PYY: variants seen among roughly 807,000 people sequenced by gnomAD.
The protein encoded by PYY is peptide tyrosine tyrosine.
PYY carries 12 observed loss-of-function variants against 10.3 expected under a neutral mutation model. That is an observed-to-expected ratio of 1.17 (90% CI 0.75 to 1.89). The LOEUF (loss-of-function observed/expected upper bound fraction) is 1.89, where lower values mean the gene tolerates loss of function less well. Ranked by LOEUF, PYY falls within the 40% of genes most tolerant of loss-of-function variation. The pLI, the probability that PYY is intolerant of heterozygous loss-of-function variation, is 0.00. For missense variants in PYY, 141 were observed against 134.0 expected (o/e 1.05, Z -0.26); for synonymous variants, 66 against 62.0 (o/e 1.06, Z -0.30).
At chr17:44,003,341 A>G (rs1227671314) in intron 1 of PYY, among the ~76,000 whole-genome samples, 1 of 152,182 alleles carries the variant, frequency 6.6e-6, no homozygotes, top group Non-Finnish European at 1.5e-5. Flanking sequence ...CAGACCTAAC[A>G]TGGATAAACT....
chr17:43,958,581 T>C (rs2048691499), upstream of PYY, among the ~76,000 whole-genome samples: 1 of 152,194 alleles, frequency 6.6e-6, no homozygotes, highest in African/African-American at 2.4e-5. Context: ...GGTTTCACCA[T>C]GTTGGCCAGG....
chr17:43,957,465 C>A (rs1337712557), upstream of PYY, among the ~76,000 whole-genome samples: 5 of 152,104 alleles, frequency 3.3e-5, no homozygotes, highest in Non-Finnish European at 5.9e-5. Flanking sequence ...CAAGACCAGC[C>A]TGGTCAACAT....
chr17:43,996,298 C>CCCCA, intron 1 of PYY, among the ~76,000 whole-genome samples: 1 of 152,200 alleles, frequency 6.6e-6, no homozygotes, highest in South Asian at 2.1e-4. Context: ...CTTGTCCAGC[C>CCCCA]CCCAGCTGGA....
upstream of PYY, among the ~76,000 whole-genome samples, chr17:43,958,210 G>A (rs1478890701): frequency 2.9e-5 from 4 of 139,420 alleles, no homozygotes; most frequent in East Asian, 6.3e-4. Flanking sequence ...ATTAAAGTTT[G>A]AATTTTATAT....
At chr17:43,977,921 C>T (rs1440614466) in intron 1 of PYY, among the ~76,000 whole-genome samples, 1 of 152,104 alleles carries the variant, frequency 6.6e-6, no homozygotes, top group Admixed American at 6.6e-5. Flanking sequence ...GAATCTTGGC[C>T]GGGCACGGTG....
chr17:43,994,578 C>T (rs966341378), intron 1 of PYY, among the ~76,000 whole-genome samples: 5 of 152,182 alleles, frequency 3.3e-5, no homozygotes, highest in Admixed American at 6.5e-5. Flanking sequence ...AGGACTCGAA[C>T]CTCGCGTTTT....
chr17:43,970,030 C>A (rs1302775588), intron 1 of PYY, among the ~76,000 whole-genome samples: 1 of 151,862 alleles, frequency 6.6e-6, no homozygotes, highest in Non-Finnish European at 1.5e-5. Flanking sequence ...ACATGAGCCA[C>A]CACGCCCAGC....
chr17:43,979,700 T>TATATAATTGCATATCCTGCGCAATC (rs2048870367), intron 1 of PYY, among the ~76,000 whole-genome samples: 1 of 148,742 alleles, frequency 6.7e-6, no homozygotes, highest in African/African-American at 2.5e-5. Context: ...AAAATTTATA[T>TATATAATTGCATATCCTGCGCAATC]ATATAATTGC....
chr17:43,994,317 G>A (rs918644454), intron 1 of PYY, among the ~76,000 whole-genome samples: 1 of 151,880 alleles, frequency 6.6e-6, no homozygotes, highest in African/African-American at 2.4e-5. Context: ...ACCCTGCAGC[G>A]GCTCCCCAGG....
intron 1 of PYY, among the ~76,000 whole-genome samples, chr17:43,980,711 A>G (rs571390758): frequency 2.0e-4 from 31 of 151,954 alleles, no homozygotes; most frequent in African/African-American, 6.0e-4. Flanking sequence ...TGACCTCTTG[A>G]TCCACCCTCC....
chr17:43,998,408 A>C (rs761155194), intron 1 of PYY, among the ~76,000 whole-genome samples: 5 of 152,092 alleles, frequency 3.3e-5, no homozygotes, highest in Admixed American at 1.3e-4. Flanking sequence ...AATGCAAAAA[A>C]TTAGCCGGGC....
In PYY at chr17:43,968,889, C is replaced by A. The variant is rs532037669; in HGVS notation, c.-462-2357G>T. On this transcript the variant is annotated intron_variant, in intron 1 of 6. Transcript: ENST00000360085. ...TTGGGAGGCCAAGGCGGGTGGATCG[C>A]CTGAGGTCAGGAGTTTGAGATCAGC... is the stretch of plus-strand genomic sequence containing the variant. Among the ~76,000 whole-genome samples, 44 of 151,958 alleles carry A rather than the reference C, an allele frequency of 2.9e-4. 1 individual carries two copies. The highest frequency in any genetic ancestry group is 2.4e-3 in the Admixed American group (36 of 15,230).
intron 2 of PYY, among the ~76,000 whole-genome samples, chr17:43,960,594 A>T (rs2048705515): frequency 6.7e-6 from 1 of 149,064 alleles, no homozygotes; most frequent in African/African-American, 2.5e-5. Context: ...TCACGCCTGT[A>T]ATCCCAGCAC....
intron 1 of PYY, among the ~76,000 whole-genome samples, chr17:43,983,419 C>T (rs2048895855): frequency 1.3e-5 from 2 of 152,184 alleles, no homozygotes; most frequent in African/African-American, 4.8e-5. Flanking sequence ...AGCTCTGGGG[C>T]CTGCTCAGTG....
In PYY at chr17:43,987,909, T is replaced by C. The variant is rs2048925825; in HGVS notation, c.-463+16482A>G. Among the ~76,000 whole-genome samples, 1 of 152,176 alleles carries C rather than the reference T, an allele frequency of 6.6e-6. No homozygotes were observed. Among genetic ancestry groups the C allele is most frequent in the South Asian group, 2.1e-4 (1 of 4,824 alleles). On this transcript the variant is annotated intron_variant, in intron 1 of 6. Coordinates refer to the PYY transcript ENST00000360085. The surrounding 1 kb of genome is among the most constrained non-coding windows in gnomAD (Gnocchi z 4.0). The stretch of plus-strand genomic sequence containing the variant: ...GGTAGCAGGGAGGGGCAGAGAGCGG[T>C]GGGACATATGCCTCCATCTGTCCTG...
chr17:43,988,278 G>A (rs1486473263), intron 1 of PYY, among the ~76,000 whole-genome samples: 1 of 152,150 alleles, frequency 6.6e-6, no homozygotes, highest in African/African-American at 2.4e-5. Flanking sequence ...AAAACAGGAC[G>A]AAATGGAATC....
At chr17:43,972,742 G>A (rs997357223) in intron 1 of PYY, among the ~76,000 whole-genome samples, 1 of 151,404 alleles carries the variant, frequency 6.6e-6, no homozygotes, top group Non-Finnish European at 1.5e-5. Flanking sequence ...TTTTGAGACA[G>A]AGTCTCACTC....
upstream of PYY, among the ~76,000 whole-genome samples, chr17:43,954,519 G>C (rs977126595): frequency 6.6e-5 from 10 of 152,138 alleles, no homozygotes; most frequent in African/African-American, 2.4e-4. Flanking sequence ...TTGGGGAGAG[G>C]CCTCTCTGAA....
chr17:43,957,788 C>G (rs1051256988), upstream of PYY: 1 of 153,632 alleles, frequency 6.5e-6, no homozygotes, highest in Non-Finnish European at 1.5e-5. Context: ...GTTGGAGGAT[C>G]GCTCACTTGA....
Sources: allele counts gnomAD v4.1 joint callset (sites outside exome capture counted in the v4.1 genomes callset), GRCh38; gene constraint gnomAD v4.1.1; non-coding constraint Gnocchi (gnomAD v3.1); transcripts MANE v1.5; gene names NCBI Gene and HGNC (gene_info 2026-07-23, HGNC 2026-07-21).